The following ATP6V0A4 variants were observed in gnomAD, a reference collection of about 807,000 sequenced individuals.
ATP6V0A4 encodes ATPase H+ transporting V0 subunit a4.
ATP6V0A4 carries 86 observed loss-of-function variants against 107.3 expected under a neutral mutation model. That is an observed-to-expected ratio of 0.80 (90% CI 0.67 to 0.96). The LOEUF (loss-of-function observed/expected upper bound fraction) is 0.96. Among genes scored for constraint, ATP6V0A4 ranks in the 40% least tolerant of loss-of-function variants. The probability of loss-of-function intolerance (pLI) is 0.00; values close to 1 mark genes in which losing one functional copy is unlikely to be tolerated. For missense variants in ATP6V0A4, 908 were observed against 1,045.6 expected, an observed-to-expected ratio of 0.87 and a Z score of 1.81; for synonymous variants, 353 against 381.4, an observed-to-expected ratio of 0.93 and a Z score of 0.87.
chr7:138,781,258 A>C (rs962342953), intron 2 of ATP6V0A4, among the ~76,000 whole-genome samples: 1 of 152,184 alleles, frequency 6.6e-6, no homozygotes, highest in Non-Finnish European at 1.5e-5. Context: ...ATGGAGAAAA[A>C]GGGATTTGTT....
At chr7:138,729,156 C>T (rs1804862803) in intron 17 of ATP6V0A4, among the ~76,000 whole-genome samples, 2 of 152,256 alleles carry the variant, frequency 1.3e-5, no homozygotes, top group African/African-American at 2.4e-5. Flanking sequence ...AAGAAGTACG[C>T]ATGAAACATT....
chr7:138,778,352 C>G (rs565919472), intron 2 of ATP6V0A4, among the ~76,000 whole-genome samples: 1 of 151,670 alleles, frequency 6.6e-6, no homozygotes, highest in Non-Finnish European at 1.5e-5. Context: ...CAGAGTGAGA[C>G]TGTCTCAAAA....
chr7:138,754,871 A>C (rs1274045621), intron 10 of ATP6V0A4, among the ~76,000 whole-genome samples: 1 of 152,038 alleles, frequency 6.6e-6, no homozygotes, highest in Non-Finnish European at 1.5e-5. Context: ...CAAGTGATCC[A>C]CCCACCTCAG....
At chr7:138,792,675 G>C (rs900038283) in intron 1 of ATP6V0A4, among the ~76,000 whole-genome samples, 11 of 151,840 alleles carry the variant, frequency 7.2e-5, no homozygotes, top group Non-Finnish European at 1.5e-5. Context: ...ATGGCTCCCT[G>C]CCATCTCGGA....
chr7:138,765,163 GT>G (rs1275880339), intron 5 of ATP6V0A4, among the ~76,000 whole-genome samples: 1 of 152,032 alleles, frequency 6.6e-6, no homozygotes, highest in Non-Finnish European at 1.5e-5. Flanking sequence ...GAAATGCTTA[GT>G]ATTAGACAAA....
At chr7:138,776,527 A>G (rs1197464976) in intron 2 of ATP6V0A4, among the ~76,000 whole-genome samples, 1 of 152,192 alleles carries the variant, frequency 6.6e-6, no homozygotes, top group African/African-American at 2.4e-5. Flanking sequence ...CAGAGGCACT[A>G]GGAGCCCTGG....
intron 9 of ATP6V0A4, 119 bp from the exon 10 acceptor site, chr7:138,755,901 T>A (rs1172156689): frequency 1.3e-5 from 20 of 1,525,524 alleles, no homozygotes; most frequent in Non-Finnish European, 1.7e-5. Context: ...TATCCTAGAA[T>A]AACTGCGTCT....
At chr7:138,730,931 C>CTTCTTCTT (rs1554392929) in intron 17 of ATP6V0A4, among the ~76,000 whole-genome samples, 1 of 123,760 alleles carries the variant, frequency 8.1e-6, no homozygotes, top group African/African-American at 3.1e-5. Context: ...TCTTCTTCTT[C>CTTCTTCTT]TTTTTTTATT....
chr7:138,726,053 A>G (rs1430811728), intron 18 of ATP6V0A4, among the ~76,000 whole-genome samples: 4 of 151,916 alleles, frequency 2.6e-5, no homozygotes, highest in Non-Finnish European at 5.9e-5. Context: ...GCAGTGGTGC[A>G]ATTTCGGCTC....
intron 13 of ATP6V0A4, among the ~76,000 whole-genome samples, chr7:138,746,313 T>C (rs1443042022): frequency 6.6e-6 from 1 of 151,904 alleles, no homozygotes; most frequent in Non-Finnish European, 1.5e-5. Flanking sequence ...TTTCTCATAA[T>C]ACTGAATAAT....
chr7:138,798,137 C>T lies in ATP6V0A4; in HGVS notation c.-224G>A. On this transcript the variant is annotated 5_prime_UTR_variant, in exon 1 of 22. Coordinates refer to ENST00000310018, the MANE Select transcript of ATP6V0A4 (RefSeq NM_020632.3). ...GCCTCCCCGCTGCCACCCGGGCCACCCTGATCCTCAGCCTGGCCTTTGCCT... is the reference window on the plus strand; with the variant it reads ...GCCTCCCCGCTGCCACCCGGGCCACTCTGATCCTCAGCCTGGCCTTTGCCT... 6.2e-7 allele frequency: 1 copy of T among 1,602,198 alleles called. No individual in the cohort carries two copies. Among genetic ancestry groups the T allele is most frequent in the Non-Finnish European group, 8.5e-7 (1 of 1,174,980 alleles).
At chr7:138,771,669 G>T (rs1350226966) in intron 2 of ATP6V0A4, among the ~76,000 whole-genome samples, 2 of 152,092 alleles carry the variant, frequency 1.3e-5, no homozygotes, top group Non-Finnish European at 2.9e-5. Flanking sequence ...ACCCAGGCTG[G>T]AGTGCAGTGG....
chr7:138,710,090 A>G (rs1041933167), intron 20 of ATP6V0A4, among the ~76,000 whole-genome samples: 2 of 151,966 alleles, frequency 1.3e-5, no homozygotes, highest in African/African-American at 4.8e-5. Flanking sequence ...CCATAGTGCA[A>G]TTATGGCTCA....
At chr7:138,795,031 G>A (rs184220840) in intron 1 of ATP6V0A4, among the ~76,000 whole-genome samples, 5 of 151,962 alleles carry the variant, frequency 3.3e-5, no homozygotes, top group Admixed American at 1.3e-4. Flanking sequence ...CCAAGTAGCC[G>A]GGATTACAGG....
At chr7:138,727,112 CAAAAAAAA>C (rs138365622) in intron 18 of ATP6V0A4, among the ~76,000 whole-genome samples, 1 of 103,100 alleles carries the variant, frequency 9.7e-6, no homozygotes, top group African/African-American at 3.6e-5. Context: ...GAGCTCATCT[CAAAAAAAA>C]AAAAAAAAAA....
intron 15 of ATP6V0A4, among the ~76,000 whole-genome samples, chr7:138,738,009 G>A (rs147357160): frequency 0.036 from 4,401 of 121,964 alleles, 205 homozygotes; most frequent in African/African-American, 0.12. Flanking sequence ...TGATCCACCC[G>A]CCTCAACCTC....
At chr7:138,730,984 A>T (rs1804983301) in intron 17 of ATP6V0A4, among the ~76,000 whole-genome samples, 1 of 133,388 alleles carries the variant, frequency 7.5e-6, no homozygotes, top group African/African-American at 2.8e-5. Context: ...TCCAGGCTGG[A>T]GTGCAGTGGC....
At chr7:138,712,514 C>T (rs180944920) in intron 20 of ATP6V0A4, among the ~76,000 whole-genome samples, 7 of 152,230 alleles carry the variant, frequency 4.6e-5, no homozygotes, top group South Asian at 2.1e-4. Context: ...ATGAAAGCCC[C>T]GGCACACAAA....
At chr7:138,709,856 T>C (rs1257324925) in intron 20 of ATP6V0A4, 61 bp from the exon 21 acceptor site, 16 of 1,557,030 alleles carry the variant, frequency 1.0e-5, no homozygotes, top group Non-Finnish European at 1.4e-5. Context: ...TTTATTGTAT[T>C]TTCTCATCTT....
Sources: allele counts gnomAD v4.1 joint callset (sites outside exome capture counted in the v4.1 genomes callset), GRCh38; gene constraint gnomAD v4.1.1; transcripts MANE v1.5; gene names NCBI Gene and HGNC (gene_info 2026-07-23, HGNC 2026-07-21).